The following AFDN variants were observed in gnomAD, a reference collection of about 807,000 sequenced individuals.
The protein encoded by AFDN is afadin.
In AFDN, 68 loss-of-function variants were observed where a neutral mutation model predicts 216.6. The ratio of observed to expected loss-of-function variants is 0.31; its 90% CI spans 0.26 to 0.38. AFDN has a LOEUF of 0.38. AFDN is among the 10% of genes least tolerant of loss of function. The pLI, the probability that AFDN is intolerant of heterozygous loss-of-function variation, is 1.00. For missense variants in AFDN, 2,136 were observed against 2,342.0 expected, an observed-to-expected ratio of 0.91 and a Z score of 1.82; for synonymous variants, 868 against 853.7, an observed-to-expected ratio of 1.02 and a Z score of -0.29.
intron 30 of AFDN, among the ~76,000 whole-genome samples, chr6:167,956,627 T>C (rs1191040679): frequency 6.6e-6 from 1 of 152,236 alleles, no homozygotes; most frequent in Non-Finnish European, 1.5e-5. Context: ...GAATGCAGCA[T>C]GCTCAAAGTG....
intron 19 of AFDN, 133 bp from the exon 20 acceptor site, chr6:167,916,956 C>CT: frequency 1.3e-6 from 1 of 765,008 alleles, no homozygotes; most frequent in Admixed American, 3.1e-5. Context: ...AAATGGAAGT[C>CT]TGTTTCCTGA....
intron 1 of AFDN, chr6:167,863,915 T>G (rs1783868415): frequency 2.6e-6 from 1 of 390,970 alleles, no homozygotes; most frequent in African/African-American, 2.0e-5. Flanking sequence ...TTTTTGCCAT[T>G]GAAAATAATG....
intron 6 of AFDN, among the ~76,000 whole-genome samples, chr6:167,883,891 AT>A (rs34951794): frequency 0.53 from 79,935 of 151,900 alleles, 21,723 homozygotes; most frequent in African/African-American, 0.59. Flanking sequence ...TTCACAAAAC[AT>A]TTCTCTGTAG....
chr6:167,965,872 T>C lies in AFDN; in HGVS notation c.5084T>C (p.Leu1695Pro). ...GCGCCCGGTCTGTGCCGCCCTCCGC[T>C]TCCCCGGGACTACGAGCCCCCGTCC... Reference protein sequence around the residue: ...PEAPGLCRPPLPRDYEPPSPS... With the variant: ...PEAPGLCRPPPPRDYEPPSPS... The change falls in exon 32 of 34, where the codon CTT becomes CCT. Residue 1695 changes from leucine to proline, a missense_variant. Coordinates refer to ENST00000683244, the MANE Select transcript of AFDN (RefSeq NM_001386888.1). The C allele has an allele frequency of 1.3e-6, 2 of 1,549,076 alleles. No individual in the cohort carries two copies. Among genetic ancestry groups the C allele is most frequent in the Non-Finnish European group, 1.7e-6 (2 of 1,146,448 alleles).
chr6:167,898,352 G>A lies in AFDN; in HGVS notation c.1465G>A (p.Val489Met), dbSNP rs1332561098. 1.2e-6 allele frequency: 2 copies of A among 1,614,174 alleles called. No individual in the cohort carries two copies. The highest frequency in any genetic ancestry group is 1.7e-6 in the Non-Finnish European group (2 of 1,180,026). Residue 489 changes from valine to methionine, a missense_variant, in exon 11 of 34, where the codon GTG becomes ATG. Val to Met is a conservative substitution (Grantham distance 21). This residue lies in a region of AFDN where 817 missense variants were observed against 965.7 expected (regional missense o/e 0.85). Coordinates refer to ENST00000683244, the MANE Select transcript of AFDN (RefSeq NM_001386888.1). ...CACCATGCTGCAGAGTGGCATGAAA[G>A]TGCAGTTTGGGGCGTCCCATGTATT... Reference protein sequence around the residue: ...ETTMLQSGMKVQFGASHVFKF... With the variant: ...ETTMLQSGMKMQFGASHVFKF...
chr6:167,947,355 A>AT (rs1317798390), intron 27 of AFDN, among the ~76,000 whole-genome samples: 1 of 151,734 alleles, frequency 6.6e-6, no homozygotes, highest in African/African-American at 2.4e-5. Context: ...AATTTTTTGT[A>AT]TTTTTAGTAG....
At chr6:167,966,239 A>C in intron 32 of AFDN, 194 bp downstream of exon 32, 1 of 1,530,398 alleles carries the variant, frequency 6.5e-7, no homozygotes, top group Non-Finnish European at 8.7e-7. Flanking sequence ...CTCCAAAAAA[A>C]TCCAGCTCCT....
At chr6:167,963,483 C>A (rs1583071040) in intron 31 of AFDN, 1 of 1,053,652 alleles carries the variant, frequency 9.5e-7, no homozygotes, top group Non-Finnish European at 1.1e-6. Context: ...GAACAGTGTA[C>A]TGTTCACAGA....
chr6:167,905,012 C>CCTG (rs1789483708), intron 12 of AFDN, among the ~76,000 whole-genome samples: 1 of 152,156 alleles, frequency 6.6e-6, no homozygotes, highest in African/African-American at 2.4e-5. Context: ...AGGCTTCCAT[C>CCTG]CTGTGCCCGT....
At position 167,878,570 on chromosome 6, in the gene AFDN, G is replaced by A. The variant is rs574067372; in HGVS notation, c.740-1790G>A. On this transcript the variant is annotated intron_variant, in intron 5 of 33. Transcript: ENST00000683244. ...CATACATGTGCACTCTTGCATGCAC[G>A]CACGCACACACACCCACTCTCTCTC... Among the ~76,000 whole-genome samples, 215 of 149,202 alleles carry A rather than the reference G, an allele frequency of 1.4e-3. 1 individual carries two copies. Among genetic ancestry groups the A allele is most frequent in the Middle Eastern group, 3.4e-3 (1 of 290 alleles).
chr6:167,917,014 A>G, intron 19 of AFDN, 75 bp from the exon 20 acceptor site: 2 of 1,308,796 alleles, frequency 1.5e-6, no homozygotes, highest in Non-Finnish European at 2.1e-6. Flanking sequence ...ATTTTTATAA[A>G]TATTACATAA....
intron 28 of AFDN, 55 bp from the exon 29 acceptor site, chr6:167,948,238 A>G (rs1562727945): frequency 1.4e-6 from 2 of 1,437,272 alleles, no homozygotes; most frequent in East Asian, 2.3e-5. Context: ...TTGAAAATCA[A>G]GTTAGTCTGT....
At chr6:167,890,438 G>A (rs1459875442) in intron 7 of AFDN, among the ~76,000 whole-genome samples, 4 of 152,238 alleles carry the variant, frequency 2.6e-5, no homozygotes, top group Non-Finnish European at 4.4e-5. Flanking sequence ...AAATTTTTTC[G>A]TGGTGATTTC....
At chr6:167,846,540 A>T (rs1196641638) in intron 1 of AFDN, among the ~76,000 whole-genome samples, 1 of 152,076 alleles carries the variant, frequency 6.6e-6, no homozygotes, top group African/African-American at 2.4e-5. Context: ...CCTTACTGAT[A>T]GTTGTAAATA....
intron 2 of AFDN, among the ~76,000 whole-genome samples, chr6:167,867,085 G>C (rs1784269872): frequency 6.6e-6 from 1 of 152,224 alleles, no homozygotes; most frequent in African/African-American, 2.4e-5. Flanking sequence ...GATTACAGTA[G>C]GACCCAGTTC....
rs1444502483 is a variant in AFDN, at chr6:167,915,382, G to C, written c.2514G>C (p.Glu838Asp). ...TGGGCCATATTGAAGCCTGGGCTGA[G>C]AAGCAGGGGCTGGAACTGGCTGCGG... ...QQLGHIEAWA[E>D]KQGLELAADC... The change falls in exon 19 of 34, where the codon GAG becomes GAC. Residue 838 changes from glutamate to aspartate, a missense_variant. Physicochemically the swap from Glu to Asp is conservative, Grantham distance 45. This residue lies in a region of AFDN where 5 missense variants were observed against 23.4 expected (regional missense o/e 0.21). Coordinates refer to ENST00000683244, the MANE Select transcript of AFDN (RefSeq NM_001386888.1). 3 of 1,614,116 alleles carry C rather than the reference G, an allele frequency of 1.9e-6. No homozygotes were observed. The African/African-American group carries it at 4.0e-5, about 22-fold the overall frequency.
At position 167,889,185 on chromosome 6, in the gene AFDN, A is replaced by G. The variant is rs185095225; in HGVS notation, c.898-30A>G. On this transcript the variant is annotated intron_variant, in intron 6 of 33. Transcript: ENST00000683244. ...CTTGTTAACTTAGTTACTTTGGCACATTCATAGTTAATTATTTTTGTTTTT... is the reference window on the plus strand; with the variant it reads ...CTTGTTAACTTAGTTACTTTGGCACGTTCATAGTTAATTATTTTTGTTTTT... The G allele has an allele frequency of 4.9e-4, 718 of 1,474,220 alleles. 1 individual carries two copies. Among genetic ancestry groups the G allele is most frequent in the Non-Finnish European group, 6.2e-4 (659 of 1,056,002 alleles). 91.3% of individuals were successfully genotyped at this position (1,474,220 alleles called of 1,614,324 possible). A position where few individuals can be genotyped will look rare whatever the true frequency, so the allele number is the denominator to read the frequency against.
intron 29 of AFDN, 39 bp downstream of exon 29, chr6:167,948,517 C>A: frequency 6.4e-7 from 1 of 1,570,996 alleles, no homozygotes; most frequent in Non-Finnish European, 8.7e-7. Context: ...TCTCACCTCT[C>A]AAGGAGGACA....
intron 25 of AFDN, among the ~76,000 whole-genome samples, chr6:167,943,690 A>C (rs1794954934): frequency 6.6e-6 from 1 of 152,286 alleles, no homozygotes; most frequent in African/African-American, 2.4e-5. Flanking sequence ...CATACTCAAC[A>C]CTTCTTTAAA....
Sources: allele counts gnomAD v4.1 joint callset (sites outside exome capture counted in the v4.1 genomes callset), GRCh38; gene constraint gnomAD v4.1.1; regional missense constraint gnomAD v4.1.1; transcripts MANE v1.5; gene names NCBI Gene and HGNC (gene_info 2026-07-23, HGNC 2026-07-21).